Variants in SLC24A3 observed in about 807,000 individuals in gnomAD.
The protein encoded by SLC24A3 is solute carrier family 24 member 3.
Under a neutral mutation model 75.8 loss-of-function variants are expected in SLC24A3, and 28 were observed. The ratio of observed to expected loss-of-function variants is 0.37; its 90% CI spans 0.27 to 0.51. The LOEUF (loss-of-function observed/expected upper bound fraction) is 0.51. SLC24A3 is among the 20% of genes least tolerant of loss of function. The pLI is 0.94. For missense variants in SLC24A3, 663 were observed against 847.8 expected, an observed-to-expected ratio of 0.78 and a Z score of 2.71; for synonymous variants, 372 against 334.1, an observed-to-expected ratio of 1.11 and a Z score of -1.24.
intron 13 of SLC24A3, among the ~76,000 whole-genome samples, chr20:19,696,121 C>G (rs2032803327): frequency 6.9e-6 from 1 of 145,474 alleles, no homozygotes; most frequent in African/African-American, 2.5e-5. Context: ...GGGCTCAAGC[C>G]ATCCTCCTGC....
chr20:19,485,659 TG>T (rs1171645661), intron 2 of SLC24A3, among the ~76,000 whole-genome samples: 1 of 152,174 alleles, frequency 6.6e-6, no homozygotes, highest in Non-Finnish European at 1.5e-5. Context: ...TTTTTAGAGT[TG>T]GCCTTGATGA....
chr20:19,400,481 T>C (rs962623256), intron 2 of SLC24A3, among the ~76,000 whole-genome samples: 26 of 152,168 alleles, frequency 1.7e-4, no homozygotes, highest in African/African-American at 5.8e-4. Flanking sequence ...CCTAGCCCTG[T>C]GTGAGTGCCG....
chr20:19,517,787 G>A (rs955611652), intron 3 of SLC24A3, among the ~76,000 whole-genome samples: 1 of 152,166 alleles, frequency 6.6e-6, no homozygotes, highest in East Asian at 1.9e-4. Context: ...TCCTCTTCTT[G>A]TAGGGAAGAG....
chr20:19,305,109 G>A (rs1202420220), intron 2 of SLC24A3, among the ~76,000 whole-genome samples: 1 of 152,132 alleles, frequency 6.6e-6, no homozygotes, highest in Non-Finnish European at 1.5e-5. Flanking sequence ...GGTCTCAAGG[G>A]CCCTGAGGGA....
rs553576466 is a variant in SLC24A3 at position 19,640,943 on chromosome 20, T to G, written c.613-13119T>G. Among the ~76,000 whole-genome samples the G allele has an allele frequency of 2.0e-5, 3 of 152,352 alleles. No homozygotes were observed. The East Asian group carries it at 5.8e-4, about 29-fold the overall frequency. ...CAACCAAATGCACCCTTAGGAAATTTGACTTAAATATTTTATTATGTCAGG... is the reference window on the plus strand; with the variant it reads ...CAACCAAATGCACCCTTAGGAAATTGGACTTAAATATTTTATTATGTCAGG... On this transcript the variant is annotated intron_variant, in intron 6 of 16. Transcript: ENST00000328041.
At chr20:19,233,514 G>A (rs1174327857) in intron 1 of SLC24A3, among the ~76,000 whole-genome samples, 3 of 152,206 alleles carry the variant, frequency 2.0e-5, no homozygotes, top group African/African-American at 7.2e-5. Flanking sequence ...GTAGGAAGGA[G>A]GGGAGGAGGA....
intron 1 of SLC24A3, among the ~76,000 whole-genome samples, chr20:19,261,274 T>G (rs1355265962): frequency 6.6e-6 from 1 of 152,138 alleles, no homozygotes; most frequent in Non-Finnish European, 1.5e-5. Flanking sequence ...TGTGAGGTAA[T>G]GGACAATGGA....
chr20:19,222,981 TC>T (rs1981770756), intron 1 of SLC24A3, among the ~76,000 whole-genome samples: 1 of 152,028 alleles, frequency 6.6e-6, no homozygotes, highest in Non-Finnish European at 1.5e-5. Context: ...AATTTCAGAT[TC>T]ACACACAGTC....
intron 2 of SLC24A3, among the ~76,000 whole-genome samples, chr20:19,346,258 G>GGTATATATATATGGT (rs1431897387): frequency 1.3e-5 from 1 of 78,376 alleles, no homozygotes; most frequent in Non-Finnish European, 2.4e-5. Context: ...ATATATATAT[G>GGTATATATATATGGT]GTATATATAT....
chr20:19,579,474 C>T (rs557981444), intron 3 of SLC24A3, among the ~76,000 whole-genome samples: 37 of 152,334 alleles, frequency 2.4e-4, no homozygotes, highest in African/African-American at 7.9e-4. Context: ...ATACCAGGCC[C>T]TGTGCTGACT....
intron 1 of SLC24A3, chr20:19,257,547 GGCTCAGGATGAT>G (rs1982852212): frequency 6.6e-6 from 1 of 152,334 alleles, no homozygotes; most frequent in South Asian, 2.1e-4. Flanking sequence ...CTCCAAGGAG[GGCTCAGGATGAT>G]GTTGGGAAGC....
intron 2 of SLC24A3, among the ~76,000 whole-genome samples, chr20:19,428,439 A>G (rs1242196366): frequency 1.3e-5 from 2 of 152,254 alleles, no homozygotes; most frequent in Non-Finnish European, 1.5e-5. Flanking sequence ...GGGCACTGTC[A>G]GCAAGGGCTG....
rs188222113 is a variant in SLC24A3, at chr20:19,494,118, C to T, written c.272-21370C>T. 1.8e-4 allele frequency among the ~76,000 whole-genome samples: 8 copies of T among 43,532 alleles called. No individual in the cohort carries two copies. In the Admixed American group the frequency reaches 2.5e-3, roughly 13 times the overall value. The allele number at this position is 43,532 out of a possible 152,430, so 28.6% of individuals were successfully genotyped here. ...TTGATGGGTATCTCTCTGTGAGGCT[C>T]AGCCTCGGCCACCAGGCCCCATGTG... On this transcript the variant is annotated intron_variant, in intron 2 of 16. Coordinates refer to ENST00000328041, the MANE Select transcript of SLC24A3 (RefSeq NM_020689.4).
intron 6 of SLC24A3, among the ~76,000 whole-genome samples, chr20:19,624,118 G>A (rs1352503234): frequency 1.3e-5 from 2 of 152,176 alleles, no homozygotes; most frequent in African/African-American, 4.8e-5. Flanking sequence ...TACTTGCTTT[G>A]TCTGGGTACT....
At chr20:19,549,181 A>G (rs2030651712) in intron 3 of SLC24A3, among the ~76,000 whole-genome samples, 1 of 152,212 alleles carries the variant, frequency 6.6e-6, no homozygotes, top group African/African-American at 2.4e-5. Context: ...GATGGCACCT[A>G]ACTGCAAGGG....
At chr20:19,595,871 A>G (rs1382738250) in intron 6 of SLC24A3, among the ~76,000 whole-genome samples, 4 of 152,222 alleles carry the variant, frequency 2.6e-5, no homozygotes. Context: ...AAGAAACCCC[A>G]AATCATGACA....
chr20:19,589,193 C>T lies in SLC24A3; in HGVS notation c.612+3649C>T, dbSNP rs578131984. 2.0e-5 allele frequency among the ~76,000 whole-genome samples: 3 copies of T among 152,312 alleles called. No homozygotes were observed. The South Asian group carries it at 6.2e-4, about 32-fold the overall frequency. On this transcript the variant is annotated intron_variant, in intron 6 of 16. Coordinates refer to ENST00000328041, the MANE Select transcript of SLC24A3 (RefSeq NM_020689.4). ...CTTGTGGGACAGTGTGGAAGGAAGG[C>T]AAGGAAGAGAAAGCAGTGGAGGAAA...
intron 2 of SLC24A3, among the ~76,000 whole-genome samples, chr20:19,501,722 G>A (rs904264473): frequency 7.9e-5 from 12 of 152,154 alleles, no homozygotes; most frequent in Admixed American, 2.0e-4. Context: ...ATAGTTGAGA[G>A]CTTTGGAAGG....
intron 2 of SLC24A3, among the ~76,000 whole-genome samples, chr20:19,469,975 C>A (rs749625516): frequency 1.3e-5 from 2 of 152,148 alleles, no homozygotes; most frequent in Non-Finnish European, 2.9e-5. Context: ...CTCCTCCCTG[C>A]AAACTTAGAG....
Sources: gnomAD v4.1 joint callset for allele counts (sites outside exome capture counted in the v4.1 genomes callset) on GRCh38, gnomAD v4.1.1 for gene constraint, MANE v1.5 for transcripts, NCBI Gene and HGNC (gene_info 2026-07-23, HGNC 2026-07-21) for gene names.